The following LMX1B variants were observed in gnomAD, a reference collection of about 807,000 sequenced individuals.
LMX1B encodes the protein LIM homeobox transcription factor 1 beta.
A neutral mutation model predicts 51.4 loss-of-function variants in LMX1B; 12 were observed. That is an observed-to-expected ratio of 0.23 (90% CI 0.15 to 0.38). LMX1B has a LOEUF of 0.38. Among genes scored for constraint, LMX1B ranks in the 10% least tolerant of loss-of-function variants. The pLI is 1.00. For synonymous variants in LMX1B, 237 were observed against 235.4 expected (o/e 1.01, Z -0.06); for missense variants, 445 against 571.1 (o/e 0.78, Z 2.25).
At chr9:126,637,488 G>T (rs1479236519) in intron 2 of LMX1B, among the ~76,000 whole-genome samples, 2 of 151,956 alleles carry the variant, frequency 1.3e-5, no homozygotes, top group East Asian at 3.9e-4. Context: ...GTGGGGGGTT[G>T]TGGGTGATTC....
At chr9:126,684,484 A>G (rs1021230375) in intron 2 of LMX1B, among the ~76,000 whole-genome samples, 8 of 152,128 alleles carry the variant, frequency 5.3e-5, no homozygotes, top group African/African-American at 1.9e-4. Flanking sequence ...GACAGGTCAA[A>G]CCCCCATTTG....
chr9:126,656,114 A>C (rs1836111508), intron 2 of LMX1B, among the ~76,000 whole-genome samples: 1 of 152,236 alleles, frequency 6.6e-6, no homozygotes, highest in African/African-American at 2.4e-5. Flanking sequence ...GAGAGAATTC[A>C]CATTGTCTGA....
At position 126,688,152 on chromosome 9, in the gene LMX1B, G is replaced by A. The variant is rs958079939; in HGVS notation, c.327-2684G>A. On this transcript the variant is annotated intron_variant, in intron 2 of 7. Transcript: ENST00000373474. ...ACAGATGATACCCTGAGTGGCTGGC[G>A]CTGCCTCTGTAATGGCGGCACTGAG... Among the ~76,000 whole-genome samples, 5 of 152,312 alleles carry A rather than the reference G, an allele frequency of 3.3e-5. No individual in the cohort carries two copies. The East Asian group carries it at 7.7e-4, about 23-fold the overall frequency.
At chr9:126,657,121 T>C (rs563380061) in intron 2 of LMX1B, among the ~76,000 whole-genome samples, 1 of 152,372 alleles carries the variant, frequency 6.6e-6, no homozygotes, top group South Asian at 2.1e-4. Flanking sequence ...TTCAATATTT[T>C]ATTGCATTTT....
chr9:126,677,131 G>A lies in LMX1B; in HGVS notation c.327-13705G>A, dbSNP rs934562838. 6.6e-6 allele frequency among the ~76,000 whole-genome samples: 1 copy of A among 152,170 alleles called. No homozygotes were observed. ...CGAAGGCCGAGCCCTGACCTGCCTC[G>A]CCTGCCCTTTGCCCGTCCCCAGCCA... On this transcript the variant is annotated intron_variant, in intron 2 of 7. Coordinates refer to ENST00000373474, the MANE Select transcript of LMX1B (RefSeq NM_001174147.2). This position sits in a 1 kb window ranked among gnomAD's most constrained non-coding sequence, Gnocchi z 5.0.
chr9:126,640,044 C>T (rs987337282), intron 2 of LMX1B, among the ~76,000 whole-genome samples: 5 of 152,160 alleles, frequency 3.3e-5, no homozygotes, highest in East Asian at 1.9e-4. Context: ...GCAGTTAATG[C>T]GGGTGGCGGG....
chr9:126,690,370 G>A (rs996338785), intron 2 of LMX1B, among the ~76,000 whole-genome samples: 8 of 152,180 alleles, frequency 5.3e-5, no homozygotes, highest in Non-Finnish European at 1.2e-4. Flanking sequence ...AGTTGCTCGG[G>A]CAGGAGAGGA....
rs1479195440 is a variant in LMX1B at position 126,615,869 on chromosome 9, T to C, written c.326+300T>C. On this transcript the variant is annotated intron_variant, in intron 2 of 7. Transcript: ENST00000373474. The surrounding 1 kb of genome is among the most constrained non-coding windows in gnomAD (Gnocchi z 6.0). ...GGTCCTGGGATATAGGGTCTGGCGC[T>C]ACGGAGGCCTGAATTGGGAACCCAA... Among the ~76,000 whole-genome samples, 1 of 152,192 alleles carries C rather than the reference T, an allele frequency of 6.6e-6. No individual in the cohort carries two copies. Among genetic ancestry groups the C allele is most frequent in the Non-Finnish European group, 1.5e-5 (1 of 68,018 alleles).
chr9:126,667,476 G>A (rs1423633496), intron 2 of LMX1B, among the ~76,000 whole-genome samples: 1 of 152,228 alleles, frequency 6.6e-6, no homozygotes, highest in African/African-American at 2.4e-5. Flanking sequence ...GCCGCGTGAC[G>A]GGAGCTGGAG....
chr9:126,616,590 G>A (rs1202868252), intron 2 of LMX1B, among the ~76,000 whole-genome samples: 2 of 152,228 alleles, frequency 1.3e-5, no homozygotes, highest in African/African-American at 2.4e-5. Flanking sequence ...CCAGAAAACC[G>A]TCCTGGATGA....
chr9:126,637,628 C>T (rs1046921857), intron 2 of LMX1B, among the ~76,000 whole-genome samples: 2 of 151,958 alleles, frequency 1.3e-5, no homozygotes, highest in South Asian at 2.1e-4. Context: ...GTGGGCCCTG[C>T]GGGTGTGATG....
chr9:126,643,174 G>C (rs1029471605), intron 2 of LMX1B, among the ~76,000 whole-genome samples: 29 of 152,274 alleles, frequency 1.9e-4, no homozygotes, highest in African/African-American at 6.7e-4. Flanking sequence ...TGGAGGCTGG[G>C]GGGCAGTTCT....
intron 2 of LMX1B, among the ~76,000 whole-genome samples, chr9:126,647,415 A>G (rs994687874): frequency 2.0e-5 from 3 of 152,170 alleles, no homozygotes; most frequent in African/African-American, 4.8e-5. Context: ...CGTGCTGCAC[A>G]TGCTTTTTGG....
intron 2 of LMX1B, among the ~76,000 whole-genome samples, chr9:126,663,932 A>G (rs1038293702): frequency 1.3e-5 from 2 of 152,148 alleles, no homozygotes; most frequent in African/African-American, 2.4e-5. Flanking sequence ...GTATGGGGCT[A>G]TTTTTAGCCA....
chr9:126,628,255 G>C (rs1835569964), intron 2 of LMX1B, among the ~76,000 whole-genome samples: 1 of 152,162 alleles, frequency 6.6e-6, no homozygotes, highest in South Asian at 2.1e-4. Context: ...GACCTCTCAA[G>C]ACTCCATCTC....
chr9:126,660,425 A>G lies in LMX1B; in HGVS notation c.327-30411A>G, dbSNP rs778854589. Reference sequence around the variant, plus strand: ...TGGAGCTGCCCAAGAAGTGACTTCTAAGGGCAGTGTAAATAGTATAGCAAT... The same window carrying G: ...TGGAGCTGCCCAAGAAGTGACTTCTGAGGGCAGTGTAAATAGTATAGCAAT... On this transcript the variant is annotated intron_variant, in intron 2 of 7. Transcript: ENST00000373474. 1.9e-4 allele frequency among the ~76,000 whole-genome samples: 29 copies of G among 152,250 alleles called. No individual in the cohort carries two copies. In the Middle Eastern group the frequency reaches 0.014, roughly 71 times the overall value.
chr9:126,645,983 G>A (rs1304969665), intron 2 of LMX1B, among the ~76,000 whole-genome samples: 1 of 152,082 alleles, frequency 6.6e-6, no homozygotes, highest in African/African-American at 2.4e-5. Context: ...AACATGCTTG[G>A]TACCATATCT....
At chr9:126,682,114 G>A (rs368375529) in intron 2 of LMX1B, among the ~76,000 whole-genome samples, 30 of 56,174 alleles carry the variant, frequency 5.3e-4, no homozygotes, top group African/African-American at 2.4e-3. Flanking sequence ...TTTTTATAGA[G>A]ATGGGCTTTG....
At position 126,615,064 on chromosome 9, in the gene LMX1B, T is replaced by C. The variant is rs1402728213; in HGVS notation, c.140-319T>C. On this transcript the variant is annotated intron_variant, in intron 1 of 7. Coordinates refer to ENST00000373474, the MANE Select transcript of LMX1B (RefSeq NM_001174147.2). This position sits in a 1 kb window ranked among gnomAD's most constrained non-coding sequence, Gnocchi z 6.0. ...CGCCCCAGCCTCACCTCGCCTGTCT[T>C]GGTCCCAGCCGGCCACCCTGCGCCG... Among the ~76,000 whole-genome samples, 1 of 151,814 alleles carries C rather than the reference T, an allele frequency of 6.6e-6. No individual in the cohort carries two copies. The highest frequency in any genetic ancestry group is 1.5e-5 in the Non-Finnish European group (1 of 67,906).
Sources: allele counts gnomAD v4.1 joint callset (sites outside exome capture counted in the v4.1 genomes callset), GRCh38; gene constraint gnomAD v4.1.1; non-coding constraint Gnocchi (gnomAD v3.1); transcripts MANE v1.5; gene names NCBI Gene and HGNC (gene_info 2026-07-23, HGNC 2026-07-21).